CEP164: variants seen among roughly 807,000 people sequenced by gnomAD.
The protein encoded by CEP164 is centrosomal protein 164, also known as centrosomal protein of 164 kDa.
A neutral mutation model predicts 182.7 loss-of-function variants in CEP164; 162 were observed. The observed-to-expected ratio is 0.89, with a 90% CI of 0.78 to 1.01. The LOEUF is 1.01. CEP164 is among the 50% of genes least tolerant of loss of function. CEP164 has a pLI of 0.00. For synonymous variants in CEP164, 661 were observed against 690.0 expected (o/e 0.96, Z 0.66); for missense variants, 1,735 against 1,790.4 (o/e 0.97, Z 0.56).
At chr11:117,332,913 C>T (rs2036441663) in intron 1 of CEP164, among the ~76,000 whole-genome samples, 1 of 152,176 alleles carries the variant, frequency 6.6e-6, no homozygotes. Flanking sequence ...GTCTAGGGTG[C>T]CATAATTGAC....
rs59763167 is a variant in CEP164, at chr11:117,381,775, C to T, written c.1484C>T (p.Pro495Leu). The part of the protein sequence containing the change: ...PRSLATEEEP[P>L]QGPEGQPEWK... ...AGCCTGGCCACTGAAGAAGAGCCTC[C>T]CCAGGGCCCCGAGGGGCAGCCCGAG... The change falls in exon 13 of 33, where the codon CCC becomes CTC. Residue 495 changes from proline (P) to leucine (L), a missense_variant. By Grantham distance (98) the Pro-to-Leu change is moderately conservative. Transcript: ENST00000278935. 8 of 1,597,196 alleles carry T rather than the reference C, an allele frequency of 5.0e-6. No individual in the cohort carries two copies. The highest frequency in any genetic ancestry group is 1.3e-5 in the African/African-American group (1 of 74,564).
intron 4 of CEP164, among the ~76,000 whole-genome samples, chr11:117,348,547 A>G (rs2039247702): frequency 6.6e-6 from 1 of 152,120 alleles, no homozygotes; most frequent in East Asian, 1.9e-4. Context: ...CCACTATTTT[A>G]TCCCAGTCAC....
intron 4 of CEP164, among the ~76,000 whole-genome samples, chr11:117,347,115 A>G (rs1180102903): frequency 6.6e-6 from 1 of 152,124 alleles, no homozygotes; most frequent in Non-Finnish European, 1.5e-5. Context: ...TATCAGCTGC[A>G]TACTTTCCCG....
intron 28 of CEP164, chr11:117,408,596 G>A (rs993993528): frequency 1.3e-5 from 5 of 395,874 alleles, no homozygotes; most frequent in East Asian, 4.9e-5. Context: ...GATTTGCTTC[G>A]CCCAGGGTAC....
At chr11:117,332,992 C>T (rs1591949950) in intron 1 of CEP164, among the ~76,000 whole-genome samples, 1 of 152,300 alleles carries the variant, frequency 6.6e-6, no homozygotes, top group African/African-American at 2.4e-5. Context: ...TTTGCCATGG[C>T]AGATCTAAGG....
intron 4 of CEP164, among the ~76,000 whole-genome samples, chr11:117,349,183 C>T (rs529691295): frequency 1.5e-4 from 23 of 151,816 alleles, no homozygotes; most frequent in Non-Finnish European, 2.6e-4. Context: ...CCACCATGCC[C>T]GGGTAATTTT....
Position 117,396,536 on chromosome 11 carries a change from C to T in CEP164, c.3217-14C>T, listed in dbSNP as rs2045492752. ...TTGCTACACTCAGTGGACTTTTCTACCATGTGTCCCTAGAACCAGACCAAA... is the reference window on the plus strand; with the variant it reads ...TTGCTACACTCAGTGGACTTTTCTATCATGTGTCCCTAGAACCAGACCAAA... On this transcript the variant is annotated splice_polypyrimidine_tract_variant and intron_variant, in intron 25 of 32. Transcript: ENST00000278935. 1.2e-6 allele frequency: 2 copies of T among 1,611,786 alleles called. No individual in the cohort carries two copies. Among genetic ancestry groups the T allele is most frequent in the Non-Finnish European group, 1.7e-6 (2 of 1,177,878 alleles).
At chr11:117,370,783 C>T (rs182646713) in intron 8 of CEP164, among the ~76,000 whole-genome samples, 1 of 152,224 alleles carries the variant, frequency 6.6e-6, no homozygotes, top group Non-Finnish European at 1.5e-5. Context: ...TGGTGGCACA[C>T]ACCTGTAGTC....
chr11:117,336,172 G>A, intron 2 of CEP164: 2 of 1,581,664 alleles, frequency 1.3e-6, no homozygotes, highest in Non-Finnish European at 1.7e-6. Flanking sequence ...GAACTGGTGA[G>A]ACTTGAGGGA....
At chr11:117,331,724 T>C (rs2036233171) in intron 1 of CEP164, among the ~76,000 whole-genome samples, 1 of 151,096 alleles carries the variant, frequency 6.6e-6, no homozygotes, top group Non-Finnish European at 1.5e-5. Context: ...ACTGCGGGTC[T>C]TCCTAGCTTC....
At chr11:117,355,345 C>A in intron 5 of CEP164, 1 of 1,289,806 alleles carries the variant, frequency 7.8e-7, no homozygotes, top group Non-Finnish European at 1.0e-6. Context: ...AGAAACTGGG[C>A]ACTCCAGCCC....
At chr11:117,399,157 C>T (rs185225699) in intron 27 of CEP164, among the ~76,000 whole-genome samples, 23 of 152,166 alleles carry the variant, frequency 1.5e-4, no homozygotes, top group Middle Eastern at 3.4e-3. Context: ...TGACAGGCCC[C>T]GGTGTGTGAT....
intron 8 of CEP164, among the ~76,000 whole-genome samples, chr11:117,367,372 C>T (rs922037784): frequency 2.0e-5 from 3 of 152,190 alleles, no homozygotes; most frequent in African/African-American, 7.2e-5. Context: ...TAATACTACC[C>T]ACGTTTTACT....
chr11:117,350,841 G>A (rs1368899412), intron 4 of CEP164, among the ~76,000 whole-genome samples: 1 of 151,568 alleles, frequency 6.6e-6, no homozygotes, highest in Non-Finnish European at 1.5e-5. Flanking sequence ...CACATTTTAG[G>A]TTTATGTGTG....
chr11:117,372,373 A>C lies in CEP164; in HGVS notation c.1152+907A>C, dbSNP rs192158310. Among the ~76,000 whole-genome samples the C allele has an allele frequency of 6.3e-3, 952 of 151,362 alleles. 2 individuals are homozygous for C. The highest frequency in any genetic ancestry group is 9.6e-3 in the Non-Finnish European group (649 of 67,896). Reference sequence around the variant, plus strand: ...CGATCTGCCCGCCTCGGCCTCCCCAAGTGCTGGGATTATCGGCGTGAACCA... The same window carrying C: ...CGATCTGCCCGCCTCGGCCTCCCCACGTGCTGGGATTATCGGCGTGAACCA... On this transcript the variant is annotated intron_variant, in intron 9 of 32. Coordinates refer to ENST00000278935, the MANE Select transcript of CEP164 (RefSeq NM_014956.5).
At chr11:117,389,338 G>A (rs2044324937) in intron 15 of CEP164, among the ~76,000 whole-genome samples, 1 of 152,148 alleles carries the variant, frequency 6.6e-6, no homozygotes, top group Non-Finnish European at 1.5e-5. Context: ...TGTTGTTGGT[G>A]TGTAAATAAG....
chr11:117,323,998 T>G (rs2035342311), upstream of CEP164: 1 of 247,220 alleles, frequency 4.0e-6, no homozygotes, highest in Non-Finnish European at 8.7e-6. Context: ...GTTCTAATAG[T>G]GGTTTCTGAC....
Position 117,338,557 on chromosome 11 carries a change from G to A in CEP164, c.-21-9G>A. The A allele has an allele frequency of 6.3e-7, 1 of 1,596,896 alleles. No homozygotes were observed. Among genetic ancestry groups the A allele is most frequent in the Non-Finnish European group, 8.6e-7 (1 of 1,164,596 alleles). On this transcript the variant is annotated splice_polypyrimidine_tract_variant and intron_variant, in intron 2 of 32. Coordinates refer to ENST00000278935, the MANE Select transcript of CEP164 (RefSeq NM_014956.5). ...TTTTTCTCTTTTGGTGGGGGCCTCT[G>A]GGATCTAGGTGTTTGAGCCCAGATG...
intron 3 of CEP164, 80 bp from the exon 4 acceptor site, chr11:117,344,086 A>G: frequency 1.3e-6 from 1 of 749,484 alleles, no homozygotes; most frequent in Non-Finnish European, 2.2e-6. Flanking sequence ...ATGGAGAGAA[A>G]AGACAAAGTA....
Sources: allele counts gnomAD v4.1 joint callset (sites outside exome capture counted in the v4.1 genomes callset), GRCh38; gene constraint gnomAD v4.1.1; transcripts MANE v1.5; gene names NCBI Gene and HGNC (gene_info 2026-07-23, HGNC 2026-07-21).